The following FRMD1 variants were observed in gnomAD, a reference collection of about 807,000 sequenced individuals.
The protein encoded by FRMD1 is FERM domain-containing protein 1.
In FRMD1, 51 loss-of-function variants were observed where a neutral mutation model predicts 54.9. The observed-to-expected ratio is 0.93, with a 90% CI of 0.74 to 1.17. The LOEUF (loss-of-function observed/expected upper bound fraction) is 1.17. Among genes scored for constraint, FRMD1 ranks in the 50% most tolerant of loss-of-function variants. FRMD1 has a pLI of 0.00. For synonymous variants in FRMD1, 324 were observed against 306.4 expected, an observed-to-expected ratio of 1.06 and a Z score of -0.60; for missense variants, 729 against 743.0, an observed-to-expected ratio of 0.98 and a Z score of 0.22.
At chr6:168,063,046 C>T in intron 6 of FRMD1, 87 bp from the exon 7 acceptor site, 1 of 1,116,350 alleles carries the variant, frequency 9.0e-7, no homozygotes. Flanking sequence ...TGGCTAGGGG[C>T]CGAGGGCTCC....
At chr6:168,062,870 T>C (rs764650551) in intron 7 of FRMD1, 24 bp downstream of exon 7, 1 of 1,607,874 alleles carries the variant, frequency 6.2e-7, no homozygotes, top group South Asian at 1.1e-5. Context: ...AGGGGCTCTG[T>C]GAGGCTGGAG....
Position 168,061,870 on chromosome 6 carries a change from G to C in FRMD1, c.982C>G (p.His328Asp), listed in dbSNP as rs1799755345. The C allele has an allele frequency of 1.3e-6, 2 of 1,585,438 alleles. No individual in the cohort carries two copies. The highest frequency in any genetic ancestry group is 1.3e-5 in the African/African-American group (1 of 74,268). Reference protein sequence around the residue: ...RHLLHLLRASHQLHLRVRPTL... With the variant: ...RHLLHLLRASDQLHLRVRPTL... ...GGCCGCACGCGGAGGTGGAGCTGGT[G>C]GCTGGCGCGCAGCAGGTGCAGCAGG... The change falls in exon 8 of 11, where the codon CAC becomes GAC. Residue 328 changes from histidine to aspartate, a missense_variant. Coordinates refer to ENST00000283309, the MANE Select transcript of FRMD1 (RefSeq NM_024919.6).
upstream of FRMD1, among the ~76,000 whole-genome samples, chr6:168,080,943 C>G (rs1050387238): frequency 2.0e-5 from 3 of 151,896 alleles, no homozygotes; most frequent in African/African-American, 7.3e-5. Flanking sequence ...GAGCTCCAAA[C>G]ATCATTAGTG....
rs1799895174 is a variant in FRMD1 at position 168,063,959 on chromosome 6, TC to T, written c.649-204del. ...GCCCTGGGCCCTGTCTGATTTCCTG[TC>T]CCCCTCGGGTCCTCCCCAAGGGGAA... On this transcript the variant is annotated intron_variant, in intron 5 of 10. Coordinates refer to ENST00000283309, the MANE Select transcript of FRMD1 (RefSeq NM_024919.6). Among the ~76,000 whole-genome samples, 4 of 151,988 alleles carry T rather than the reference TC, an allele frequency of 2.6e-5. No homozygotes were observed. The South Asian group carries it at 8.3e-4, about 32-fold the overall frequency.
At chr6:168,058,523 G>A (rs933046663) in intron 10 of FRMD1, among the ~76,000 whole-genome samples, 3 of 151,884 alleles carry the variant, frequency 2.0e-5, no homozygotes, top group African/African-American at 7.3e-5. Context: ...GGGCTGACCA[G>A]AGGGGGCCTC....
chr6:168,058,341 TG>T (rs1192493988), intron 10 of FRMD1, among the ~76,000 whole-genome samples: 52 of 85,304 alleles, frequency 6.1e-4, no homozygotes, highest in East Asian at 1.1e-3. Context: ...TCTCTCTCCA[TG>T]CAGCCTCTCG....
At chr6:168,080,398 A>G (rs1464839460), upstream of FRMD1, among the ~76,000 whole-genome samples, 1 of 151,984 alleles carries the variant, frequency 6.6e-6, no homozygotes, top group Non-Finnish European at 1.5e-5. Flanking sequence ...TCACTATGGA[A>G]GATGTGGGGA....
chr6:168,067,493 C>T, intron 2 of FRMD1, 47 bp from the exon 3 acceptor site: 1 of 1,206,770 alleles, frequency 8.3e-7, no homozygotes, highest in African/African-American at 1.5e-5. Context: ...CCATGCTTCT[C>T]AGGTGTCACC....
chr6:168,065,321 C>A, intron 4 of FRMD1: 1 of 1,257,852 alleles, frequency 8.0e-7, no homozygotes. Flanking sequence ...CCCACTCCTT[C>A]CCCAGTGAGC....
chr6:168,062,427 T>C (rs1229673906), intron 7 of FRMD1, among the ~76,000 whole-genome samples: 3 of 152,176 alleles, frequency 2.0e-5, no homozygotes, highest in Non-Finnish European at 4.4e-5. Context: ...ATTTTCTCAA[T>C]TGGGAGCCAG....
rs142167023 is a variant in FRMD1, at chr6:168,078,429, C to CT, written c.213+452dup. Reference sequence around the variant, plus strand: ...CACAGGCCCAGTGAAAGGGCTGGCCCTTGACACCTCACAGACACCTGGCCT... The same window carrying CT: ...CACAGGCCCAGTGAAAGGGCTGGCCCTTTGACACCTCACAGACACCTGGCCT... On this transcript the variant is annotated intron_variant, in intron 1 of 10. Transcript: ENST00000283309. Among the ~76,000 whole-genome samples the CT allele has an allele frequency of 6.1e-3, 933 of 152,228 alleles. 12 individuals carry two copies. The highest frequency in any genetic ancestry group is 0.022 in the African/African-American group (904 of 41,504).
intron 3 of FRMD1, 125 bp from the exon 4 acceptor site, chr6:168,066,956 G>C (rs1410615203): frequency 8.4e-7 from 1 of 1,193,158 alleles, no homozygotes. Flanking sequence ...TCAGGTGTCT[G>C]CAGCCATAGC....
At position 168,063,743 on chromosome 6, in the gene FRMD1, C is replaced by T. The variant is rs373702680; in HGVS notation, c.662G>A (p.Arg221Lys). The T allele has an allele frequency of 3.7e-6, 6 of 1,612,622 alleles. No individual in the cohort carries two copies. The highest frequency in any genetic ancestry group is 5.1e-6 in the Non-Finnish European group (6 of 1,179,176). ...GTGCCGGAGGATGTAGTCAATCCCC[C>T]TCTTGGTGATGATCTGAGGACAGAG... ...SYFPQWIITK[R>K]GIDYILRHMP... The change falls in exon 6 of 11, where the codon AGG (arginine) becomes AAG (lysine). Residue 221 changes from arginine (R) to lysine (K), a missense_variant. Transcript: ENST00000283309.
At chr6:168,077,245 T>C (rs1482214242) in intron 1 of FRMD1, among the ~76,000 whole-genome samples, 3 of 151,098 alleles carry the variant, frequency 2.0e-5, no homozygotes, top group Non-Finnish European at 4.4e-5. Flanking sequence ...AGGGGGTTTC[T>C]GTCCAACTGC....
intron 2 of FRMD1, among the ~76,000 whole-genome samples, chr6:168,073,736 G>A (rs540657894): frequency 6.6e-6 from 1 of 152,274 alleles, no homozygotes; most frequent in Admixed American, 6.5e-5. Context: ...AGATGGCTTC[G>A]TCCAAAAGGA....
chr6:168,075,434 C>T, intron 1 of FRMD1, 99 bp from the exon 2 acceptor site: 1 of 902,876 alleles, frequency 1.1e-6, no homozygotes, highest in South Asian at 1.3e-5. Flanking sequence ...AGGTGGACGA[C>T]CCAGTCAGGC....
At chr6:168,078,323 C>T (rs1351116663) in intron 1 of FRMD1, among the ~76,000 whole-genome samples, 1 of 152,162 alleles carries the variant, frequency 6.6e-6, no homozygotes, top group Non-Finnish European at 1.5e-5. Flanking sequence ...TGGCGCTCTT[C>T]CCTCAGCGCT....
Position 168,059,375 on chromosome 6 carries a change from C to T in FRMD1, c.1343-187G>A, listed in dbSNP as rs1043031417. Among the ~76,000 whole-genome samples, 4 of 152,186 alleles carry T rather than the reference C, an allele frequency of 2.6e-5. No homozygotes were observed. Among genetic ancestry groups the T allele is most frequent in the African/African-American group, 7.2e-5 (3 of 41,450 alleles). On this transcript the variant is annotated intron_variant, in intron 9 of 10. Transcript: ENST00000283309. This position sits in a 1 kb window ranked among gnomAD's most constrained non-coding sequence, Gnocchi z 4.4. ...TTCCCCGACATCTGATAAAACGGCC[C>T]CTTGCTGTGCAGATGCGGGATTAGC...
At chr6:168,087,912 C>A (rs1448372121) in intron 1 of FRMD1, among the ~76,000 whole-genome samples, 1 of 152,200 alleles carries the variant, frequency 6.6e-6, no homozygotes, top group African/African-American at 2.4e-5. Flanking sequence ...GGCCCCAGAT[C>A]ACAGATTGAG....
Sources: allele counts gnomAD v4.1 joint callset (sites outside exome capture counted in the v4.1 genomes callset), GRCh38; gene constraint gnomAD v4.1.1; non-coding constraint Gnocchi (gnomAD v3.1); transcripts MANE v1.5; gene names NCBI Gene and HGNC (gene_info 2026-07-23, HGNC 2026-07-21).